The following CACNB4 variants were observed in gnomAD, a reference collection of about 807,000 sequenced individuals.
CACNB4 encodes voltage-dependent L-type calcium channel subunit beta-4.
Under a neutral mutation model 71.2 loss-of-function variants are expected in CACNB4, and 32 were observed. The ratio of observed to expected loss-of-function variants is 0.45; its 90% CI spans 0.34 to 0.60. The LOEUF (loss-of-function observed/expected upper bound fraction) is 0.60, where lower values mean the gene tolerates loss of function less well. Among genes scored for constraint, CACNB4 ranks in the 20% least tolerant of loss-of-function variants. The pLI, the probability that CACNB4 is intolerant of heterozygous loss-of-function variation, is 0.01. For missense variants in CACNB4, 464 were observed against 647.9 expected (o/e 0.72, Z 3.08); for synonymous variants, 231 against 236.9 (o/e 0.97, Z 0.23).
intron 2 of CACNB4, among the ~76,000 whole-genome samples, chr2:151,932,487 C>T (rs995310912): frequency 6.6e-6 from 1 of 151,930 alleles, no homozygotes; most frequent in Non-Finnish European, 1.5e-5. Context: ...GAATTATGTC[C>T]CCTGAAAAAG....
chr2:152,051,251 T>C (rs1685415345), intron 2 of CACNB4, among the ~76,000 whole-genome samples: 1 of 151,270 alleles, frequency 6.6e-6, no homozygotes, highest in South Asian at 2.1e-4. Flanking sequence ...TACTATCAAC[T>C]TTTTTTTTGA....
intron 2 of CACNB4, chr2:151,971,584 G>A (rs1579040713): frequency 1.4e-6 from 1 of 702,976 alleles, no homozygotes; most frequent in East Asian, 2.7e-5. Flanking sequence ...CTGCTGAGGA[G>A]GTGGCACTCC....
intron 2 of CACNB4, chr2:151,970,618 CTTGTA>C (rs1035907322): frequency 6.6e-6 from 1 of 152,126 alleles, no homozygotes; most frequent in African/African-American, 2.4e-5. Flanking sequence ...GCCACTAGAA[CTTGTA>C]TTAACACACA....
At chr2:152,069,204 C>T (rs1464625728) in intron 2 of CACNB4, among the ~76,000 whole-genome samples, 2 of 152,198 alleles carry the variant, frequency 1.3e-5, no homozygotes, top group African/African-American at 2.4e-5. Flanking sequence ...TAATTGCTCC[C>T]AGCACTGGCC....
intron 2 of CACNB4, among the ~76,000 whole-genome samples, chr2:151,947,887 G>A (rs1362903638): frequency 1.3e-5 from 2 of 152,192 alleles, no homozygotes; most frequent in East Asian, 3.8e-4. Flanking sequence ...AAAGGGAAGA[G>A]AAAGCAAACC....
chr2:151,978,704 G>A (rs1177061323), intron 2 of CACNB4, among the ~76,000 whole-genome samples: 1 of 152,184 alleles, frequency 6.6e-6, no homozygotes, highest in East Asian at 1.9e-4. Flanking sequence ...CTCCGCCTGG[G>A]TTCTGGCCTA....
intron 2 of CACNB4, among the ~76,000 whole-genome samples, chr2:152,051,824 C>T (rs1560163443): frequency 2.6e-5 from 4 of 152,226 alleles, no homozygotes; most frequent in Non-Finnish European, 5.9e-5. Context: ...TCCACTCCCC[C>T]GACCTTGGCA....
chr2:151,974,815 CAAAAAAAAAA>C (rs35540920), intron 2 of CACNB4, among the ~76,000 whole-genome samples: 8 of 137,954 alleles, frequency 5.8e-5, no homozygotes, highest in Non-Finnish European at 6.0e-5. Flanking sequence ...TCTGGTCAAC[CAAAAAAAAAA>C]AAAAAAAAAG....
intron 2 of CACNB4, among the ~76,000 whole-genome samples, chr2:152,035,217 T>C (rs1395574475): frequency 5.9e-5 from 9 of 152,236 alleles, no homozygotes; most frequent in Non-Finnish European, 1.3e-4. Flanking sequence ...TTTTCTTTTG[T>C]ATATTTATTC....
chr2:151,865,133 C>T (rs949356191), intron 9 of CACNB4, among the ~76,000 whole-genome samples: 1 of 152,182 alleles, frequency 6.6e-6, no homozygotes, highest in African/African-American at 2.4e-5. Flanking sequence ...GATTACGAAA[C>T]GGAAGTTGCT....
At chr2:151,877,038 TCTATATATACACATAGATAG>T (rs1314697676) in intron 4 of CACNB4, among the ~76,000 whole-genome samples, 9 of 147,640 alleles carry the variant, frequency 6.1e-5, no homozygotes, top group East Asian at 3.9e-4. Flanking sequence ...CATATATAGA[TCTATATATACACATAGATAG>T]CTATATATAC....
At chr2:151,849,532 T>C (rs1244315514) in intron 12 of CACNB4, among the ~76,000 whole-genome samples, 3 of 152,206 alleles carry the variant, frequency 2.0e-5, no homozygotes, top group Admixed American at 6.5e-5. Flanking sequence ...TGTTTCAACC[T>C]CCTGAGTAGC....
intron 2 of CACNB4, among the ~76,000 whole-genome samples, chr2:152,001,635 C>T (rs12693198): frequency 0.83 from 124,517 of 149,206 alleles, 53,791 homozygotes; most frequent in Non-Finnish European, 0.96. Context: ...ATCGCTTGAA[C>T]CTGGGAGGCG....
chr2:152,059,004 T>G (rs1336893027), intron 2 of CACNB4, among the ~76,000 whole-genome samples: 1 of 152,212 alleles, frequency 6.6e-6, no homozygotes, highest in Non-Finnish European at 1.5e-5. Context: ...GCAGCTTCCA[T>G]GTGGTGTTTG....
At position 151,944,136 on chromosome 2, in the gene CACNB4, C is replaced by T. The variant is rs936629074; in HGVS notation, c.148-60766G>A. Among the ~76,000 whole-genome samples the T allele has an allele frequency of 2.6e-5, 4 of 151,398 alleles. No individual in the cohort carries two copies. The East Asian group carries it at 7.8e-4, about 29-fold the overall frequency. ...TTCGAACACCTGGACTCATGTTATC[C>T]TCCTGCCTCAGTCTCCTAAGTAGCT... On this transcript the variant is annotated intron_variant, in intron 2 of 13. Coordinates refer to ENST00000539935, the MANE Select transcript of CACNB4 (RefSeq NM_000726.5).
At chr2:151,909,766 A>T (rs1279215737) in intron 2 of CACNB4, among the ~76,000 whole-genome samples, 2 of 152,306 alleles carry the variant, frequency 1.3e-5, no homozygotes, top group East Asian at 3.9e-4. Flanking sequence ...ATAGTATCCC[A>T]TGGTGGATAC....
intron 2 of CACNB4, among the ~76,000 whole-genome samples, chr2:152,086,187 A>C (rs1687651498): frequency 6.6e-6 from 1 of 152,220 alleles, no homozygotes; most frequent in Admixed American, 6.5e-5. Flanking sequence ...AAAAGATATT[A>C]GATATAGTTT....
chr2:151,881,401 T>C (rs564943640), intron 3 of CACNB4, among the ~76,000 whole-genome samples: 1 of 152,228 alleles, frequency 6.6e-6, no homozygotes, highest in Non-Finnish European at 1.5e-5. Context: ...TATCTGGTCC[T>C]GCCGGGGAAA....
chr2:151,990,106 G>T (rs917990777), intron 2 of CACNB4, among the ~76,000 whole-genome samples: 2 of 152,054 alleles, frequency 1.3e-5, no homozygotes, highest in Non-Finnish European at 2.9e-5. Context: ...AGTCCAATCA[G>T]ATGACTCTGT....
Sources: gnomAD v4.1 joint callset for allele counts (sites outside exome capture counted in the v4.1 genomes callset) on GRCh38, gnomAD v4.1.1 for gene constraint, MANE v1.5 for transcripts, NCBI Gene and HGNC (gene_info 2026-07-23, HGNC 2026-07-21) for gene names.